The following PTPRG variants were observed in gnomAD, a reference collection of about 807,000 sequenced individuals.
PTPRG encodes the protein protein tyrosine phosphatase receptor type G.
A neutral mutation model predicts 165.3 loss-of-function variants in PTPRG; 102 were observed. The observed-to-expected ratio is 0.62, with a 90% CI of 0.53 to 0.73. The LOEUF (loss-of-function observed/expected upper bound fraction) is 0.73, where lower values mean the gene tolerates loss of function less well. Among genes scored for constraint, PTPRG ranks in the 30% least tolerant of loss-of-function variants. The probability of loss-of-function intolerance (pLI) is 0.00; values close to 1 mark genes in which losing one functional copy is unlikely to be tolerated. For synonymous variants in PTPRG, 675 were observed against 669.5 expected, an observed-to-expected ratio of 1.01 and a Z score of -0.13; for missense variants, 1,866 against 1,861.4, an observed-to-expected ratio of 1.00 and a Z score of -0.05.
rs145630948 is a variant in PTPRG at position 61,716,605 on chromosome 3, A to G, written c.86-32273A>G. On this transcript the variant is annotated intron_variant, in intron 1 of 29. Transcript: ENST00000474889. ...TATTGTTGGGTTATGAAGTGTCCTG[A>G]AGTCACAGCATTTTAGGGCTAAAAT... Among the ~76,000 whole-genome samples the G allele has an allele frequency of 4.3e-3, 662 of 152,260 alleles. 6 individuals carry two copies. The highest frequency in any genetic ancestry group is 0.015 in the African/African-American group (629 of 41,542).
intron 2 of PTPRG, among the ~76,000 whole-genome samples, chr3:61,932,837 C>T (rs75982985): frequency 6.4e-4 from 98 of 152,286 alleles, no homozygotes; most frequent in African/African-American, 2.3e-3. Flanking sequence ...TCAGGCGCAG[C>T]ATTCTCGTGT....
intron 2 of PTPRG, among the ~76,000 whole-genome samples, chr3:61,887,283 A>C (rs927160006): frequency 1.3e-5 from 2 of 151,622 alleles, no homozygotes; most frequent in African/African-American, 4.9e-5. Context: ...CTCTGCTGTG[A>C]TTTCTAAGCC....
At chr3:61,817,188 A>AT (rs1468957934) in intron 2 of PTPRG, among the ~76,000 whole-genome samples, 19 of 121,132 alleles carry the variant, frequency 1.6e-4, no homozygotes, top group South Asian at 4.7e-4. Context: ...TAATATATAA[A>AT]ATAATATATA....
intron 2 of PTPRG, among the ~76,000 whole-genome samples, chr3:61,934,956 T>G (rs1049990876): frequency 1.3e-5 from 2 of 152,180 alleles, no homozygotes; most frequent in African/African-American, 4.8e-5. Context: ...GAAATGGAGT[T>G]CATCTCCTCT....
At chr3:61,615,583 A>G (rs80285201) in intron 1 of PTPRG, among the ~76,000 whole-genome samples, 1,871 of 152,272 alleles carry the variant, frequency 0.012, 39 homozygotes, top group African/African-American at 0.043. Flanking sequence ...CCTTTGTAAT[A>G]AGTGTGTTTT....
chr3:62,141,533 G>C (rs1393213256), intron 6 of PTPRG, among the ~76,000 whole-genome samples: 6 of 152,164 alleles, frequency 3.9e-5, no homozygotes, highest in Non-Finnish European at 7.4e-5. Flanking sequence ...CCAGGAGGCA[G>C]AGGTTTAGTG....
At chr3:61,800,146 T>G (rs56891981) in intron 2 of PTPRG, among the ~76,000 whole-genome samples, 8,187 of 152,234 alleles carry the variant, frequency 0.054, 379 homozygotes, top group East Asian at 0.24. Flanking sequence ...AAATATTGTG[T>G]GACTGTGTCC....
chr3:61,917,684 C>T, intron 2 of PTPRG, among the ~76,000 whole-genome samples: 1 of 152,188 alleles, frequency 6.6e-6, no homozygotes, highest in Non-Finnish European at 1.5e-5. Flanking sequence ...AATCCCAGCA[C>T]TTTGCGAGGC....
intron 2 of PTPRG, among the ~76,000 whole-genome samples, chr3:61,954,630 GA>G (rs1315060513): frequency 1.3e-5 from 2 of 152,174 alleles, no homozygotes; most frequent in Non-Finnish European, 2.9e-5. Flanking sequence ...AGACTCAAGC[GA>G]AGCCAGGGGG....
intron 2 of PTPRG, among the ~76,000 whole-genome samples, chr3:61,985,752 A>T (rs1383557453): frequency 6.6e-6 from 1 of 152,218 alleles, no homozygotes; most frequent in Non-Finnish European, 1.5e-5. Context: ...GAGGTCTGTT[A>T]AAGCATAGAA....
chr3:62,057,355 T>C (rs1270569100), intron 4 of PTPRG, among the ~76,000 whole-genome samples: 1 of 152,234 alleles, frequency 6.6e-6, no homozygotes. Flanking sequence ...TTTTCTGTTG[T>C]CCAGGAAGAT....
chr3:62,286,188 T>C (rs1215477068), intron 28 of PTPRG, among the ~76,000 whole-genome samples: 1 of 152,140 alleles, frequency 6.6e-6, no homozygotes, highest in Non-Finnish European at 1.5e-5. Context: ...ACACAAGGCA[T>C]ATGGACTGTT....
At chr3:62,292,766 G>C (rs1459980058) in intron 29 of PTPRG, 2 of 574,746 alleles carry the variant, frequency 3.5e-6, no homozygotes, top group Non-Finnish European at 6.0e-6. Flanking sequence ...CACAGCACAA[G>C]ACAGCCCTCA....
At chr3:61,839,333 G>C (rs2036555292) in intron 2 of PTPRG, among the ~76,000 whole-genome samples, 1 of 152,182 alleles carries the variant, frequency 6.6e-6, no homozygotes, top group Admixed American at 6.5e-5. Context: ...TAGATGCACA[G>C]AATGTAGTAG....
At chr3:61,688,522 C>A (rs1157483463) in intron 1 of PTPRG, among the ~76,000 whole-genome samples, 2 of 152,186 alleles carry the variant, frequency 1.3e-5, no homozygotes, top group Non-Finnish European at 2.9e-5. Context: ...AGTTGCACGG[C>A]GGGGAAGGCT....
At chr3:61,595,582 CCCTT>C (rs1284530220) in intron 1 of PTPRG, among the ~76,000 whole-genome samples, 2 of 152,328 alleles carry the variant, frequency 1.3e-5, no homozygotes, top group East Asian at 3.9e-4. Flanking sequence ...TAGGCCTTGA[CCCTT>C]CCTTCTCCTA....
intron 2 of PTPRG, among the ~76,000 whole-genome samples, chr3:61,900,480 A>T (rs779431668): frequency 6.6e-6 from 1 of 151,950 alleles, no homozygotes; most frequent in African/African-American, 2.4e-5. Context: ...GTTGGCAAAG[A>T]CTCTGTAAGT....
chr3:61,984,893 T>TA (rs754728384), intron 2 of PTPRG, among the ~76,000 whole-genome samples: 6 of 152,254 alleles, frequency 3.9e-5, no homozygotes, highest in Non-Finnish European at 8.8e-5. Flanking sequence ...TTGTCAATTA[T>TA]ATAGAATGTT....
chr3:62,006,862 G>A (rs904953997), intron 4 of PTPRG, among the ~76,000 whole-genome samples: 2 of 152,212 alleles, frequency 1.3e-5, no homozygotes, highest in Non-Finnish European at 2.9e-5. Context: ...AATGTCACTA[G>A]TGTCACTGTG....
Sources: gnomAD v4.1 joint callset for allele counts (sites outside exome capture counted in the v4.1 genomes callset) on GRCh38, gnomAD v4.1.1 for gene constraint, MANE v1.5 for transcripts, NCBI Gene and HGNC (gene_info 2026-07-23, HGNC 2026-07-21) for gene names.